IL7: variants seen among roughly 807,000 people sequenced by gnomAD.
IL7 encodes the protein interleukin 7.
A neutral mutation model predicts 21.6 loss-of-function variants in IL7; 3 were observed. The ratio of observed to expected loss-of-function variants is 0.14; its 90% CI spans 0.06 to 0.36. The LOEUF (loss-of-function observed/expected upper bound fraction) is 0.36, where lower values mean the gene tolerates loss of function less well. IL7 is among the 10% of genes least tolerant of loss of function. IL7 has a pLI of 1.00. For synonymous variants in IL7, 62 were observed against 68.1 expected (o/e 0.91, Z 0.44); for missense variants, 175 against 200.2 (o/e 0.87, Z 0.76).
Position 78,677,905 on chromosome 8 carries a change from G to A in IL7, n.274-1801C>T, listed in dbSNP as rs1809634538. 2.0e-5 allele frequency among the ~76,000 whole-genome samples: 3 copies of A among 152,068 alleles called. 1 individual carries two copies. ...AAGGCTGCTGGTTGCCCACTTTTAT[G>A]GTTATTTCTTGATGATATGCTAAAC... On this transcript the variant is annotated intron_variant and non_coding_transcript_variant, in intron 4 of 4. Coordinates refer to the IL7 transcript ENST00000523959.
downstream of IL7, among the ~76,000 whole-genome samples, chr8:78,714,159 G>T (rs1811028076): frequency 1.3e-5 from 2 of 152,028 alleles, no homozygotes; most frequent in Non-Finnish European, 2.9e-5. Flanking sequence ...AGAGAGGGAG[G>T]GAACTATGCT....
Position 78,805,076 on chromosome 8 carries a change from G to T in IL7, c.-154C>A. 1 of 708,248 alleles carries T rather than the reference G, an allele frequency of 1.4e-6. No homozygotes were observed. 43.9% of individuals were successfully genotyped at this position (708,248 alleles called of 1,614,324 possible). On this transcript the variant is annotated 5_prime_UTR_variant, in exon 1 of 6. Coordinates refer to ENST00000263851, the MANE Select transcript of IL7 (RefSeq NM_000880.4). The stretch of plus-strand genomic sequence containing the variant: ...TCTGCAGCTGGTTCCTCTTACCCAC[G>T]CCGCGACTGCAGTTTCATCCATCCC...
At chr8:78,797,877 A>C in intron 2 of IL7, 195 bp downstream of exon 2, 1 of 439,628 alleles carries the variant, frequency 2.3e-6, no homozygotes, top group Non-Finnish European at 4.1e-6. Context: ...CTTAGAGTCG[A>C]GGAAAGAATT....
intron 2 of IL7, 130 bp from the exon 3 acceptor site, chr8:78,740,212 G>T (rs1811732859): frequency 2.1e-6 from 1 of 466,324 alleles, no homozygotes; most frequent in South Asian, 8.9e-5. Flanking sequence ...AGTTTTGCCT[G>T]GCTCAGCTGA....
Position 78,761,226 on chromosome 8 carries a change from G to C in IL7, c.148-21144C>G, listed in dbSNP as rs564550165. ...AAAAGAACAGAAATTACGTTGTCAA[G>C]TTCTAAAAGCAGTTGTGGTGATCGA... On this transcript the variant is annotated intron_variant, in intron 2 of 5. Coordinates refer to ENST00000263851, the MANE Select transcript of IL7 (RefSeq NM_000880.4). 65 of 1,598,364 alleles carry C rather than the reference G, an allele frequency of 4.1e-5. 1 individual carries two copies. The African/African-American group carries it at 7.7e-4, about 19-fold the overall frequency.
At chr8:78,751,573 G>A (rs1812174148) in intron 2 of IL7, among the ~76,000 whole-genome samples, 1 of 152,146 alleles carries the variant, frequency 6.6e-6, no homozygotes, top group African/African-American at 2.4e-5. Context: ...CAACATCAGA[G>A]AATAAGTGAA....
intron 3 of IL7, among the ~76,000 whole-genome samples, chr8:78,698,177 A>G (rs982128688): frequency 1.3e-5 from 2 of 152,190 alleles, no homozygotes; most frequent in African/African-American, 4.8e-5. Context: ...AGAAGAAGAT[A>G]TTGACCACTG....
intron 1 of IL7, among the ~76,000 whole-genome samples, chr8:78,803,332 A>G (rs1814156183): frequency 6.6e-6 from 1 of 152,112 alleles, no homozygotes; most frequent in African/African-American, 2.4e-5. Context: ...TTGGTCCTCA[A>G]ATATGATGAA....
intron 4 of IL7, among the ~76,000 whole-genome samples, chr8:78,685,276 T>C (rs749414397): frequency 5.3e-5 from 8 of 152,028 alleles, no homozygotes; most frequent in Non-Finnish European, 7.4e-5. Context: ...ATAAGCGAAA[T>C]TTGATTCAAT....
chr8:78,708,788 C>G (rs1266799728), intron 3 of IL7, among the ~76,000 whole-genome samples: 1 of 149,798 alleles, frequency 6.7e-6, no homozygotes, highest in Non-Finnish European at 1.5e-5. Flanking sequence ...TCAAGTGATT[C>G]TGCTGCCTCA....
intron 2 of IL7, chr8:78,760,893 C>T (rs898240259): frequency 5.6e-5 from 87 of 1,557,706 alleles, no homozygotes; most frequent in Middle Eastern, 1.7e-4. Context: ...GTCAAGCTAC[C>T]GGCTGCAAAG....
At chr8:78,749,715 T>C (rs1391337488) in intron 2 of IL7, among the ~76,000 whole-genome samples, 1 of 152,200 alleles carries the variant, frequency 6.6e-6, no homozygotes, top group Non-Finnish European at 1.5e-5. Flanking sequence ...CTCTAACTAC[T>C]AGGTCCTCAC....
chr8:78,704,521 C>T (rs1436602339), intron 3 of IL7, among the ~76,000 whole-genome samples: 3 of 151,930 alleles, frequency 2.0e-5, no homozygotes, highest in Admixed American at 2.0e-4. Flanking sequence ...TCTCTAGCTG[C>T]CTTTAACATT....
At chr8:78,695,100 G>A (rs1439988303) in intron 3 of IL7, among the ~76,000 whole-genome samples, 2 of 152,090 alleles carry the variant, frequency 1.3e-5, no homozygotes, top group Admixed American at 6.6e-5. Flanking sequence ...GATACCGAGG[G>A]GGAGGTGAAT....
chr8:78,789,731 T>C (rs1813624087), intron 2 of IL7, among the ~76,000 whole-genome samples: 1 of 152,104 alleles, frequency 6.6e-6, no homozygotes, highest in Non-Finnish European at 1.5e-5. Flanking sequence ...GTAGTAGAAG[T>C]CTATAGAATA....
At chr8:78,725,457 T>G (rs1260898530) in intron 3 of IL7, among the ~76,000 whole-genome samples, 5 of 151,834 alleles carry the variant, frequency 3.3e-5, no homozygotes, top group African/African-American at 9.7e-5. Context: ...CAAACTTGAC[T>G]ATCTGGCTCT....
intron 3 of IL7, among the ~76,000 whole-genome samples, chr8:78,724,534 G>A (rs1811307301): frequency 1.7e-5 from 1 of 57,828 alleles, no homozygotes; most frequent in Non-Finnish European, 4.3e-5. Context: ...TTTCTTATAG[G>A]GAAAACTCAT....
intron 4 of IL7, among the ~76,000 whole-genome samples, chr8:78,679,789 TTGA>T (rs1809708048): frequency 6.6e-6 from 1 of 152,148 alleles, no homozygotes; most frequent in African/African-American, 2.4e-5. Context: ...AAAAAATCAT[TTGA>T]TGATAGAAAA....
intron 3 of IL7, among the ~76,000 whole-genome samples, chr8:78,726,247 C>A (rs933174004): frequency 6.6e-6 from 1 of 151,796 alleles, no homozygotes; most frequent in African/African-American, 2.4e-5. Flanking sequence ...GGATTATTTT[C>A]CTTTAACATT....
Sources: allele counts gnomAD v4.1 joint callset (sites outside exome capture counted in the v4.1 genomes callset), GRCh38; gene constraint gnomAD v4.1.1; transcripts MANE v1.5; gene names NCBI Gene and HGNC (gene_info 2026-07-23, HGNC 2026-07-21).